The following DOCK9 variants were observed in gnomAD, a reference collection of about 807,000 sequenced individuals.
DOCK9 encodes dedicator of cytokinesis protein 9.
Under a neutral mutation model 263.3 loss-of-function variants are expected in DOCK9, and 89 were observed. That is an observed-to-expected ratio of 0.34 (90% CI 0.28 to 0.40). The LOEUF (loss-of-function observed/expected upper bound fraction) is 0.40, where lower values mean the gene tolerates loss of function less well. Ranked by LOEUF, DOCK9 falls within the 10% of genes least tolerant of loss-of-function variation. The pLI, the probability that DOCK9 is intolerant of heterozygous loss-of-function variation, is 1.00. For synonymous variants in DOCK9, 976 were observed against 973.1 expected, an observed-to-expected ratio of 1.00 and a Z score of -0.06; for missense variants, 2,140 against 2,603.4, an observed-to-expected ratio of 0.82 and a Z score of 3.87.
chr13:98,827,614 C>A (rs1471061316), intron 43 of DOCK9, among the ~76,000 whole-genome samples: 1 of 152,220 alleles, frequency 6.6e-6, no homozygotes, highest in Non-Finnish European at 1.5e-5. Context: ...TCCACGTGCA[C>A]GTGTGTCAAC....
chr13:98,930,660 T>C (rs553725429), intron 2 of DOCK9, among the ~76,000 whole-genome samples: 2 of 152,206 alleles, frequency 1.3e-5, no homozygotes, highest in South Asian at 4.1e-4. Flanking sequence ...AACTTTTTTT[T>C]TTGAGATGGA....
intron 4 of DOCK9, among the ~76,000 whole-genome samples, chr13:98,925,108 G>A (rs1262798667): frequency 2.0e-5 from 3 of 152,070 alleles, no homozygotes; most frequent in Admixed American, 1.3e-4. Flanking sequence ...AGGTTGCAGT[G>A]AGCAGAGATC....
chr13:98,903,065 C>T lies in DOCK9; in HGVS notation c.1083G>A (p.Glu361=), dbSNP rs1295881664. 16 of 1,534,568 alleles carry T rather than the reference C, an allele frequency of 1.0e-5. No homozygotes were observed. Among genetic ancestry groups the T allele is most frequent in the Non-Finnish European group, 1.4e-5 (16 of 1,140,694 alleles). ...SAEPEVKSFE[E]KFGKRILVKC... is the part of the protein sequence containing the mutation. Reference sequence around the variant, plus strand: ...TGACAAGGATCCTTTTTCCAAACTTCTCTTCAAATGACTTCACTTCTGGCT... The same window carrying T: ...TGACAAGGATCCTTTTTCCAAACTTTTCTTCAAATGACTTCACTTCTGGCT... Residue 361 remains glutamate (E), a synonymous_variant, in exon 11 of 53, where the codon GAG becomes GAA. Transcript: ENST00000682017.
chr13:98,917,644 CTT>C (rs1334840163), intron 7 of DOCK9, among the ~76,000 whole-genome samples: 1 of 117,466 alleles, frequency 8.5e-6, no homozygotes. Context: ...CTTTTTTTTT[CTT>C]TTTTTTTTTT....
At chr13:99,033,257 C>A (rs1887534132) in intron 1 of DOCK9, among the ~76,000 whole-genome samples, 2 of 152,282 alleles carry the variant, frequency 1.3e-5, no homozygotes, top group South Asian at 4.1e-4. Flanking sequence ...CACCTTAGTT[C>A]TAAAACAGAA....
chr13:98,917,868 T>C (rs76412390), intron 7 of DOCK9, among the ~76,000 whole-genome samples: 19,666 of 152,198 alleles, frequency 0.13, 1,397 homozygotes, highest in South Asian at 0.25. Flanking sequence ...GGGTTCCACC[T>C]GGCGGCACCA....
intron 1 of DOCK9, among the ~76,000 whole-genome samples, chr13:99,082,028 G>A (rs1161857171): frequency 6.6e-6 from 1 of 152,034 alleles, no homozygotes; most frequent in Non-Finnish European, 1.5e-5. Context: ...GACCAGCCTA[G>A]GCAACAGGGC....
chr13:98,800,598 G>A (rs1349436637), intron 49 of DOCK9, 120 bp from the exon 50 acceptor site: 2 of 1,243,366 alleles, frequency 1.6e-6, no homozygotes, highest in Non-Finnish European at 2.2e-6. Flanking sequence ...TTAAAATAAG[G>A]AACCCAAAGC....
intron 20 of DOCK9, 36 bp from the exon 21 acceptor site, chr13:98,885,128 A>C (rs1283474887): frequency 6.2e-7 from 1 of 1,603,474 alleles, no homozygotes. Flanking sequence ...ACAACAGAAC[A>C]CTGTGAGTGT....
At chr13:98,957,886 A>G (rs937008405) in intron 1 of DOCK9, among the ~76,000 whole-genome samples, 4 of 152,206 alleles carry the variant, frequency 2.6e-5, no homozygotes, top group Non-Finnish European at 4.4e-5. Context: ...GCTGCCCCAT[A>G]ACCACAGGCC....
intron 1 of DOCK9, among the ~76,000 whole-genome samples, chr13:98,996,229 G>C (rs1370259207): frequency 6.6e-6 from 1 of 152,166 alleles, no homozygotes; most frequent in East Asian, 1.9e-4. Flanking sequence ...GCTGGCCAAG[G>C]ATGGAGCCCT....
rs571876775 is a variant in DOCK9 at position 98,896,827 on chromosome 13, T to C, written c.1709+661A>G. Among the ~76,000 whole-genome samples the C allele has an allele frequency of 2.6e-4, 40 of 152,312 alleles. 1 individual carries two copies. Among genetic ancestry groups the C allele is most frequent in the African/African-American group, 9.6e-4 (40 of 41,570 alleles). ...GGTTGAATTGTGTCCTCCAAAAGCA[T>C]GGTGAAGTCCCAACCCTTTGTACCT... On this transcript the variant is annotated intron_variant, in intron 15 of 52. Transcript: ENST00000682017.
At chr13:99,006,147 C>T (rs1300782357) in intron 1 of DOCK9, among the ~76,000 whole-genome samples, 2 of 152,060 alleles carry the variant, frequency 1.3e-5, no homozygotes, top group African/African-American at 4.8e-5. Context: ...CAGAGAAACA[C>T]GTGATGAAGA....
intron 18 of DOCK9, among the ~76,000 whole-genome samples, chr13:98,887,693 A>C (rs1382437522): frequency 2.0e-5 from 3 of 151,020 alleles, no homozygotes; most frequent in Non-Finnish European, 3.0e-5. Context: ...AAAGAGTTAA[A>C]CACACACTAG....
chr13:98,971,741 G>A (rs1176633796), intron 1 of DOCK9, among the ~76,000 whole-genome samples: 2 of 152,116 alleles, frequency 1.3e-5, no homozygotes, highest in Non-Finnish European at 2.9e-5. Context: ...AAAACGGGAT[G>A]CCTGCAGATT....
Position 98,888,421 on chromosome 13 carries a change from G to A in DOCK9, c.1916C>T (p.Thr639Ile), listed in dbSNP as rs1040213063. The part of the protein sequence containing the change: ...PKHTQPYTIY[T>I]NHLYVYPKYL... ...CTTAGGATAAACGTAAAGGTGATTG[G>A]TGTAGATGGTGTAAGGCTGAGTGTG... Residue 639 changes from threonine to isoleucine, a missense_variant, in exon 17 of 53, where the codon ACC (threonine) becomes ATC (isoleucine). Transcript: ENST00000682017. The A allele has an allele frequency of 8.7e-6, 14 of 1,613,892 alleles. No homozygotes were observed. Among genetic ancestry groups the A allele is most frequent in the Non-Finnish European group, 1.2e-5 (14 of 1,179,890 alleles).
intron 45 of DOCK9, among the ~76,000 whole-genome samples, chr13:98,817,662 A>G (rs1311131388): frequency 1.3e-5 from 2 of 151,852 alleles, no homozygotes; most frequent in African/African-American, 4.8e-5. Context: ...GAATAGTTTA[A>G]TAACAACAAA....
At chr13:98,936,904 A>G (rs748253621) in intron 2 of DOCK9, among the ~76,000 whole-genome samples, 2 of 152,214 alleles carry the variant, frequency 1.3e-5, no homozygotes, top group Non-Finnish European at 2.9e-5. Flanking sequence ...AGTTTTATTT[A>G]TTTAGCTTAT....
intron 52 of DOCK9, 86 bp downstream of exon 52, chr13:98,797,029 G>T (rs1479066218): frequency 7.1e-6 from 10 of 1,399,240 alleles, no homozygotes; most frequent in Admixed American, 1.7e-5. Context: ...GTTCTGGAAG[G>T]ATATCAGGCG....
Sources: gnomAD v4.1 joint callset for allele counts (sites outside exome capture counted in the v4.1 genomes callset) on GRCh38, gnomAD v4.1.1 for gene constraint, MANE v1.5 for transcripts, NCBI Gene and HGNC (gene_info 2026-07-23, HGNC 2026-07-21) for gene names.